ITPRID2: variants seen among roughly 807,000 people sequenced by gnomAD.
ITPRID2 encodes ITPR interacting domain containing 2.
ITPRID2 carries 60 observed loss-of-function variants against 124.3 expected under a neutral mutation model. The ratio of observed to expected loss-of-function variants is 0.48; its 90% CI spans 0.39 to 0.60. The LOEUF is 0.60. Among genes scored for constraint, ITPRID2 ranks in the 20% least tolerant of loss-of-function variants. ITPRID2 has a pLI of 0.00. For missense variants in ITPRID2, 1,553 were observed against 1,512.2 expected (o/e 1.03, Z -0.45); for synonymous variants, 521 against 542.9 (o/e 0.96, Z 0.56).
chr2:181,917,369 T>A (rs976776549), intron 11 of ITPRID2: 2 of 152,248 alleles, frequency 1.3e-5, no homozygotes, highest in African/African-American at 4.8e-5. Context: ...CTCTTAACTG[T>A]AAGTTTTATC....
intron 10 of ITPRID2, 87 bp downstream of exon 10, chr2:181,914,020 C>A: frequency 3.8e-6 from 3 of 779,408 alleles, no homozygotes; most frequent in Non-Finnish European, 6.0e-6. Flanking sequence ...AATATTGAGT[C>A]TGTATAATCT....
At position 181,919,650 on chromosome 2, in the gene ITPRID2, A is replaced by C. The variant is rs1187820126; in HGVS notation, c.3144+204A>C. The stretch of plus-strand genomic sequence containing the variant: ...AATAGTATATTTAGAAATATGTTGA[A>C]AATTTTTAATGATAAATTTTAATAA... On this transcript the variant is annotated intron_variant, in intron 14 of 17. Transcript: ENST00000431877. This position sits in a 1 kb window ranked among gnomAD's most constrained non-coding sequence, Gnocchi z 4.2. Among the ~76,000 whole-genome samples, 7 of 149,322 alleles carry C rather than the reference A, an allele frequency of 4.7e-5. No homozygotes were observed. The highest frequency in any genetic ancestry group is 8.8e-5 in the Non-Finnish European group (6 of 68,030).
intron 2 of ITPRID2, chr2:181,894,830 AAGG>A (rs1477632298): frequency 1.3e-5 from 2 of 152,120 alleles, no homozygotes; most frequent in Non-Finnish European, 2.9e-5. Flanking sequence ...TTTGTTTTCG[AAGG>A]AGGATTCCTG....
chr2:181,922,978 G>C (rs1344901481), intron 16 of ITPRID2, among the ~76,000 whole-genome samples: 1 of 152,072 alleles, frequency 6.6e-6, no homozygotes, highest in African/African-American at 2.4e-5. Flanking sequence ...ATGATTTTGT[G>C]ATTTTAATAA....
In ITPRID2 at chr2:181,902,125, A is replaced by G; in HGVS notation, c.1072A>G (p.Thr358Ala). ...KKKESSSMLA[T>A]VKEEVSGSSA... ...GAAAGAGTCATCTTCTATGTTGGCTACAGTTAAAGAAGAAGTCTCTGGTAG... is the reference window on the plus strand; with the variant it reads ...GAAAGAGTCATCTTCTATGTTGGCTGCAGTTAAAGAAGAAGTCTCTGGTAG... Residue 358 changes from threonine (T) to alanine (A), a missense_variant, in exon 8 of 18, where the codon ACA becomes GCA. Coordinates refer to ENST00000431877, the MANE Select transcript of ITPRID2 (RefSeq NM_001130445.3). The surrounding 1 kb of genome is among the most constrained non-coding windows in gnomAD (Gnocchi z 4.4). The G allele has an allele frequency of 1.2e-6, 2 of 1,613,210 alleles. No homozygotes were observed. The highest frequency in any genetic ancestry group is 1.7e-6 in the Non-Finnish European group (2 of 1,179,592).
intron 8 of ITPRID2, 42 bp from the exon 9 acceptor site, chr2:181,909,857 C>T: frequency 6.8e-7 from 1 of 1,473,662 alleles, no homozygotes; most frequent in Non-Finnish European, 9.5e-7. Flanking sequence ...ACTTGTTTGC[C>T]TTAGATTCAT....
Position 181,915,774 on chromosome 2 carries a change from C to G in ITPRID2, c.2134C>G (p.Arg712Gly). ...VCSLSNQRMG[R>G]SLLKSKDLLK... The stretch of plus-strand genomic sequence containing the variant: ...CAGTCTGTCTAATCAAAGGATGGGG[C>G]GTAGCCTGCTAAAATCAAAAGATTT... Residue 712 changes from arginine to glycine, a missense_variant, in exon 11 of 18, where the codon CGT becomes GGT. Physicochemically the swap from Arg to Gly is moderately radical, Grantham distance 125 (BLOSUM62 -2). Transcript: ENST00000431877. The G allele has an allele frequency of 6.2e-7, 1 of 1,614,062 alleles. No individual in the cohort carries two copies. The highest frequency in any genetic ancestry group is 1.3e-5 in the African/African-American group (1 of 75,024).
chr2:181,916,949 C>G, intron 11 of ITPRID2: 2 of 988,426 alleles, frequency 2.0e-6, no homozygotes, highest in Non-Finnish European at 2.4e-6. Context: ...CAGAGTTAGT[C>G]TACTTCCACT....
At chr2:181,926,011 C>T (rs1009476499) in intron 16 of ITPRID2, among the ~76,000 whole-genome samples, 4 of 152,136 alleles carry the variant, frequency 2.6e-5, no homozygotes, top group East Asian at 1.9e-4. Context: ...TGGTGGCTCA[C>T]GCCTGTAATC....
At chr2:181,929,240 T>C (rs1378576431) in intron 17 of ITPRID2, among the ~76,000 whole-genome samples, 1 of 151,688 alleles carries the variant, frequency 6.6e-6, no homozygotes, top group Non-Finnish European at 1.5e-5. Context: ...AAAGAAAGAA[T>C]AAGTTGAGTA....
Position 181,898,998 on chromosome 2 carries a change from C to T in ITPRID2, c.405-16C>T, listed in dbSNP as rs923314010. ...ATAAAGTTATAAAGTTTTATATAAT[C>T]TGATTTTGTTCGTAGCAATAATATC... On this transcript the variant is annotated splice_polypyrimidine_tract_variant and intron_variant, in intron 5 of 17. Transcript: ENST00000431877. 2.5e-6 allele frequency: 4 copies of T among 1,601,014 alleles called. No homozygotes were observed. Among genetic ancestry groups the T allele is most frequent in the Non-Finnish European group, 3.4e-6 (4 of 1,172,000 alleles).
chr2:181,917,820 C>T (rs1375282285), intron 11 of ITPRID2: 2 of 152,310 alleles, frequency 1.3e-5, no homozygotes, highest in East Asian at 1.9e-4. Context: ...TTCTCGCCCA[C>T]GTGGAGTGCT....
Position 181,915,276 on chromosome 2 carries a change from G to T in ITPRID2, c.1636G>T (p.Val546Phe), listed in dbSNP as rs1246013125. The T allele has an allele frequency of 1.2e-6, 2 of 1,614,202 alleles. No homozygotes were observed. Among genetic ancestry groups the T allele is most frequent in the Admixed American group, 3.3e-5 (2 of 60,032 alleles). The change falls in exon 11 of 18, where the codon GTT becomes TTT. Residue 546 changes from valine (V) to phenylalanine (F), a missense_variant. By Grantham distance (50) the Val-to-Phe change is conservative (BLOSUM62 -1). Coordinates refer to ENST00000431877, the MANE Select transcript of ITPRID2 (RefSeq NM_001130445.3). ...TGATAGTTGTGACAGTGAGACAACA[G>T]TTACGTCACTTGGTGAAGACCTTGC... is the stretch of plus-strand genomic sequence containing the variant. ...SADSCDSETT[V>F]TSLGEDLATP... is the part of the protein sequence containing the mutation.
rs1302196252 is a variant in ITPRID2 at position 181,929,754 on chromosome 2, A to G, written c.*207A>G. On this transcript the variant is annotated 3_prime_UTR_variant, in exon 18 of 18. Coordinates refer to ENST00000431877, the MANE Select transcript of ITPRID2 (RefSeq NM_001130445.3). ...TTAGGCACTTTGCTATTTCTTTTCTAAACTATCAAAAACTCTAGCAGTTTG... is the reference window on the plus strand; with the variant it reads ...TTAGGCACTTTGCTATTTCTTTTCTGAACTATCAAAAACTCTAGCAGTTTG... 8 of 669,676 alleles carry G rather than the reference A, an allele frequency of 1.2e-5. No individual in the cohort carries two copies. The highest frequency in any genetic ancestry group is 3.7e-5 in the African/African-American group (2 of 54,042). The allele number at this position is 669,676 out of a possible 1,614,324, so 41.5% of individuals were successfully genotyped here. A position where few individuals can be genotyped will look rare whatever the true frequency, so the allele number is the denominator to read the frequency against.
At position 181,909,931 on chromosome 2, in the gene ITPRID2, TC is replaced by T; in HGVS notation, c.1448del (p.Pro483GlnfsTer6). 6.2e-7 allele frequency: 1 copy of T among 1,613,348 alleles called. No homozygotes were observed. Among genetic ancestry groups the T allele is most frequent in the Non-Finnish European group, 8.5e-7 (1 of 1,179,446 alleles). On this transcript the variant is annotated frameshift_variant, in exon 9 of 18. Transcript: ENST00000431877. LOFTEE classifies it high-confidence loss of function. ...GTACGGAGGGAGAAGCTCCTCATGT[TC>T]CAGCCACTTACCAGCTAGGTCTTAC... ...QSTEGEAPHV[P>X]ATYQLGLTKS... is the part of the protein sequence containing the mutation.
In ITPRID2 at chr2:181,892,173, C is replaced by G. The variant is rs114985669; in HGVS notation, c.107C>G (p.Ala36Gly). The G allele has an allele frequency of 0.026, 40,572 of 1,553,970 alleles. 675 individuals are homozygous for G. Among genetic ancestry groups the G allele is most frequent in the South Asian group, 0.031 (2,635 of 84,218 alleles). Residue 36 changes from alanine to glycine, a missense_variant, in exon 1 of 18, where the codon GCG becomes GGG. Ala to Gly is a moderately conservative substitution (Grantham distance 60). Transcript: ENST00000431877. This position sits in a 1 kb window ranked among gnomAD's most constrained non-coding sequence, Gnocchi z 5.2. ...GCCAAGTGCCGCAGCTCCTGGCAAG[C>G]GTCGGAGACGGAGGATCTGTCCACA... Reference protein sequence around the residue: ...AWAKCRSSWQASETEDLSTEA... With the variant: ...AWAKCRSSWQGSETEDLSTEA...
chr2:181,928,648 CAG>C (rs1423850127), intron 17 of ITPRID2, among the ~76,000 whole-genome samples: 6 of 148,408 alleles, frequency 4.0e-5, no homozygotes, highest in Non-Finnish European at 5.9e-5. Context: ...TTTTTTGAGA[CAG>C]AGTCTCGCTC....
intron 15 of ITPRID2, among the ~76,000 whole-genome samples, 198 bp downstream of exon 15, chr2:181,920,860 G>A (rs1449913787): frequency 6.6e-6 from 1 of 152,164 alleles, no homozygotes; most frequent in African/African-American, 2.4e-5. Flanking sequence ...TTGCAATAGT[G>A]ATTTATCTTT....
At chr2:181,918,509 AG>A (rs1694245507) in intron 11 of ITPRID2, 88 bp from the exon 12 acceptor site, 3 of 1,552,792 alleles carry the variant, frequency 1.9e-6, no homozygotes, top group South Asian at 2.5e-5. Flanking sequence ...AAAAATATAT[AG>A]GCCCCAAATT....
Sources: allele counts gnomAD v4.1 joint callset (sites outside exome capture counted in the v4.1 genomes callset), GRCh38; gene constraint gnomAD v4.1.1; non-coding constraint Gnocchi (gnomAD v3.1); transcripts MANE v1.5; gene names NCBI Gene and HGNC (gene_info 2026-07-23, HGNC 2026-07-21).